Variants in PSD3 observed in about 807,000 individuals in gnomAD.
The protein encoded by PSD3 is PH and SEC7 domain-containing protein 3.
PSD3 carries 49 observed loss-of-function variants against 105.5 expected under a neutral mutation model. The ratio of observed to expected loss-of-function variants is 0.46; its 90% confidence interval spans 0.37 to 0.59. The LOEUF is 0.59. Ranked by LOEUF, PSD3 falls within the 20% of genes least tolerant of loss-of-function variation. PSD3 has a pLI of 0.00. For synonymous variants in PSD3, 557 were observed against 457.8 expected (o/e 1.22, Z -2.77); for missense variants, 1,561 against 1,263.8 (o/e 1.24, Z -3.57).
intron 9 of PSD3, among the ~76,000 whole-genome samples, chr8:18,706,723 G>A (rs949270839): frequency 6.6e-6 from 1 of 152,154 alleles, no homozygotes; most frequent in African/African-American, 2.4e-5. Flanking sequence ...CATCCTCACT[G>A]GAAATGGCTA....
chr8:18,987,462 T>G (rs905781587), intron 1 of PSD3, among the ~76,000 whole-genome samples: 1 of 152,104 alleles, frequency 6.6e-6, no homozygotes, highest in African/African-American at 2.4e-5. Flanking sequence ...TAATTTTTTG[T>G]ATTTTTAGTA....
At chr8:18,727,063 C>T (rs966593591) in intron 9 of PSD3, among the ~76,000 whole-genome samples, 2 of 151,904 alleles carry the variant, frequency 1.3e-5, no homozygotes, top group East Asian at 1.9e-4. Flanking sequence ...GCAGGCCAGG[C>T]GCAGTGGCTC....
chr8:18,721,878 A>G (rs1802998495), intron 9 of PSD3, among the ~76,000 whole-genome samples: 1 of 152,170 alleles, frequency 6.6e-6, no homozygotes, highest in Non-Finnish European at 1.5e-5. Flanking sequence ...TAAAAGGCCT[A>G]CGAGACACCC....
chr8:18,780,833 C>T (rs553817624), intron 8 of PSD3, among the ~76,000 whole-genome samples: 13 of 152,250 alleles, frequency 8.5e-5, no homozygotes, highest in Admixed American at 3.3e-4. Flanking sequence ...GTATTACAGG[C>T]GTGAGCCACC....
intron 4 of PSD3, 88 bp downstream of exon 4, chr8:18,867,586 T>G: frequency 6.8e-7 from 1 of 1,472,172 alleles, no homozygotes; most frequent in Admixed American, 2.3e-5. Flanking sequence ...GGCCAAATGA[T>G]TTAAATATAT....
intron 1 of PSD3, among the ~76,000 whole-genome samples, chr8:19,071,545 G>C (rs1170760343): frequency 6.6e-6 from 1 of 152,172 alleles, no homozygotes; most frequent in Non-Finnish European, 1.5e-5. Flanking sequence ...TGAGGGGAGA[G>C]AGGGCCTTGG....
intron 2 of PSD3, among the ~76,000 whole-genome samples, chr8:18,889,067 T>A (rs1818618966): frequency 6.6e-6 from 1 of 152,076 alleles, no homozygotes; most frequent in African/African-American, 2.4e-5. Context: ...TTTCCAAATG[T>A]CTATAGCATA....
intron 11 of PSD3, among the ~76,000 whole-genome samples, chr8:18,622,465 A>G (rs1806184125): frequency 6.6e-6 from 1 of 152,178 alleles, no homozygotes; most frequent in South Asian, 2.1e-4. Flanking sequence ...AACAAACTTA[A>G]CTATGCCATT....
intron 12 of PSD3, among the ~76,000 whole-genome samples, chr8:18,581,190 G>C (rs1290400882): frequency 6.6e-6 from 1 of 152,130 alleles, no homozygotes; most frequent in Non-Finnish European, 1.5e-5. Flanking sequence ...GAACCAACAG[G>C]AATGGAATCA....
chr8:18,754,253 G>A (rs758847894), intron 9 of PSD3, among the ~76,000 whole-genome samples: 6 of 151,938 alleles, frequency 3.9e-5, no homozygotes, highest in Non-Finnish European at 5.9e-5. Context: ...GCGTGGTGGC[G>A]GATGCCTGTA....
chr8:18,967,922 C>G lies in PSD3; in HGVS notation c.22-31780G>C, dbSNP rs548463754. ...GGGCCCATTCACATATTCCTGGGAGCTGCGAGGAGAATTGCTTCCAATATC... is the reference window on the plus strand; with the variant it reads ...GGGCCCATTCACATATTCCTGGGAGGTGCGAGGAGAATTGCTTCCAATATC... On this transcript the variant is annotated intron_variant, in intron 1 of 15. Coordinates refer to ENST00000327040, the MANE Select transcript of PSD3 (RefSeq NM_015310.4). Among the ~76,000 whole-genome samples, 15 of 152,248 alleles carry G rather than the reference C, an allele frequency of 9.9e-5. No individual in the cohort carries two copies. In the South Asian group the frequency reaches 3.1e-3, roughly 32 times the overall value.
intron 10 of PSD3, among the ~76,000 whole-genome samples, chr8:18,642,453 T>C (rs1425418493): frequency 1.3e-5 from 2 of 152,210 alleles, no homozygotes. Context: ...ATTTATTATA[T>C]ATCATCTTGT....
At chr8:19,066,274 T>C (rs1829073038) in intron 1 of PSD3, among the ~76,000 whole-genome samples, 1 of 152,234 alleles carries the variant, frequency 6.6e-6, no homozygotes, top group South Asian at 2.1e-4. Context: ...ATTAGAAAAT[T>C]TGATTACACA....
chr8:18,915,776 G>A lies in PSD3; in HGVS notation c.130+20258C>T, dbSNP rs369872396. 2.0e-5 allele frequency among the ~76,000 whole-genome samples: 3 copies of A among 152,070 alleles called. No homozygotes were observed. In the East Asian group the frequency reaches 5.8e-4, roughly 29 times the overall value. On this transcript the variant is annotated intron_variant, in intron 2 of 15. Coordinates refer to ENST00000327040, the MANE Select transcript of PSD3 (RefSeq NM_015310.4). ...AAGGGGAACTGTGTACACTGTTGGTGGAAAAGTATGGAAGTTCCTTTAAAA... is the reference window on the plus strand; with the variant it reads ...AAGGGGAACTGTGTACACTGTTGGTAGAAAAGTATGGAAGTTCCTTTAAAA...
At chr8:18,620,799 C>A (rs1806058704) in intron 11 of PSD3, among the ~76,000 whole-genome samples, 1 of 152,130 alleles carries the variant, frequency 6.6e-6, no homozygotes, top group Non-Finnish European at 1.5e-5. Context: ...ATTCTTATCC[C>A]CATGATTAAT....
At chr8:18,637,061 G>A (rs117767270) in intron 10 of PSD3, among the ~76,000 whole-genome samples, 23 of 152,200 alleles carry the variant, frequency 1.5e-4, no homozygotes, top group Non-Finnish European at 3.1e-4. Context: ...TGAGAAAACT[G>A]GCTTTCACGA....
At chr8:18,866,239 T>C (rs537008093) in intron 4 of PSD3, among the ~76,000 whole-genome samples, 1 of 152,354 alleles carries the variant, frequency 6.6e-6, no homozygotes, top group African/African-American at 2.4e-5. Flanking sequence ...CACCCTCCAC[T>C]GAGGAGCACC....
chr8:18,966,370 G>T (rs12681027), intron 1 of PSD3, among the ~76,000 whole-genome samples: 10,128 of 152,064 alleles, frequency 0.067, 803 homozygotes, highest in African/African-American at 0.19. Context: ...AGCAGTTCAA[G>T]AACAGCCTGG....
At chr8:18,582,651 T>C (rs1246417297) in intron 12 of PSD3, among the ~76,000 whole-genome samples, 2 of 152,058 alleles carry the variant, frequency 1.3e-5, no homozygotes, top group African/African-American at 4.8e-5. Flanking sequence ...GACACATCCA[T>C]TTATTATTCC....
Sources: allele counts gnomAD v4.1 joint callset (sites outside exome capture counted in the v4.1 genomes callset), GRCh38; gene constraint gnomAD v4.1.1; transcripts MANE v1.5; gene names NCBI Gene and HGNC (gene_info 2026-07-23, HGNC 2026-07-21).